Variants in OR2L13 observed in about 807,000 individuals in gnomAD.
OR2L13 encodes olfactory receptor family 2 subfamily L member 13.
A neutral mutation model predicts 15.3 loss-of-function variants in OR2L13; 14 were observed. That is an observed-to-expected ratio of 0.91 (90% CI 0.60 to 1.43). The LOEUF (loss-of-function observed/expected upper bound fraction) is 1.43, where lower values mean the gene tolerates loss of function less well. Ranked by LOEUF, OR2L13 falls within the 40% of genes most tolerant of loss-of-function variation. The probability of loss-of-function intolerance (pLI) is 0.00; values close to 1 mark genes in which losing one functional copy is unlikely to be tolerated. For synonymous variants in OR2L13, 152 were observed against 142.9 expected (o/e 1.06, Z -0.45); for missense variants, 367 against 387.9 (o/e 0.95, Z 0.45).
intron 1 of OR2L13, among the ~76,000 whole-genome samples, chr1:248,098,127 C>T (rs1664775093): frequency 6.6e-6 from 1 of 152,144 alleles, no homozygotes; most frequent in African/African-American, 2.4e-5. Context: ...TTGTTTAATC[C>T]AATGATCTCT....
At chr1:247,974,084 A>C in the OR2L13 span, among the ~76,000 whole-genome samples, 1 of 152,240 alleles carries the variant, frequency 6.6e-6, no homozygotes, top group South Asian at 2.1e-4. Context: ...GACATCATGG[A>C]ATACTCTGCA....
At chr1:247,938,416 A>C in the OR2L13 span, among the ~76,000 whole-genome samples, 1 of 152,174 alleles carries the variant, frequency 6.6e-6, no homozygotes, top group Non-Finnish European at 1.5e-5. Flanking sequence ...AGACAGTAAA[A>C]ATCCGAATAG....
At chr1:248,063,454 C>CT in the OR2L13 span, 2 of 152,148 alleles carry the variant, frequency 1.3e-5, no homozygotes, top group African/African-American at 4.8e-5. Flanking sequence ...CTTTGTTGTG[C>CT]TTTTTTGCAA....
At chr1:247,993,095 T>G in the OR2L13 span, among the ~76,000 whole-genome samples, 1 of 152,192 alleles carries the variant, frequency 6.6e-6, no homozygotes, top group Admixed American at 6.5e-5. Context: ...TCTCTCATTG[T>G]GGCTCTGATT....
the OR2L13 span, chr1:247,975,339 C>A: frequency 1.9e-6 from 1 of 534,702 alleles, no homozygotes; most frequent in South Asian, 1.8e-5. Context: ...CCCTCTTTCT[C>A]ATGTTTACCT....
chr1:248,037,979 AG>A, the OR2L13 span, among the ~76,000 whole-genome samples: 1 of 152,240 alleles, frequency 6.6e-6, no homozygotes, highest in African/African-American at 2.4e-5. Flanking sequence ...ATGGTTTGAA[AG>A]AAAGAAAAAT....
the OR2L13 span, among the ~76,000 whole-genome samples, chr1:248,028,193 G>A: frequency 6.8e-6 from 1 of 147,170 alleles, no homozygotes; most frequent in African/African-American, 2.5e-5. Context: ...TCTCCAGAAG[G>A]CTGATTTGAG....
the OR2L13 span, among the ~76,000 whole-genome samples, chr1:248,080,648 G>A: frequency 6.6e-6 from 1 of 152,058 alleles, no homozygotes; most frequent in African/African-American, 2.4e-5. Context: ...GGTGTATATG[G>A]GGCACATTTT....
At chr1:248,038,193 A>C in the OR2L13 span, 1 of 1,051,704 alleles carries the variant, frequency 9.5e-7, no homozygotes, top group Non-Finnish European at 1.4e-6. Context: ...TAATGCAGCC[A>C]CTGTGGATAA....
the OR2L13 span, among the ~76,000 whole-genome samples, chr1:248,050,814 T>G: frequency 1.3e-5 from 2 of 152,216 alleles, no homozygotes; most frequent in African/African-American, 2.4e-5. Flanking sequence ...CAATCTCATC[T>G]TGATTCCAAA....
chr1:247,951,545 C>A, the OR2L13 span, among the ~76,000 whole-genome samples: 2 of 152,136 alleles, frequency 1.3e-5, no homozygotes, highest in Non-Finnish European at 2.9e-5. Context: ...TGCTCTTTAA[C>A]ATCATTTCTA....
the OR2L13 span, among the ~76,000 whole-genome samples, chr1:247,957,521 C>G: frequency 1.2e-4 from 18 of 152,278 alleles, no homozygotes; most frequent in African/African-American, 4.1e-4. Flanking sequence ...AAGAATGGTA[C>G]GAGCTCCTCC....
At chr1:247,975,116 T>C in the OR2L13 span, 54 of 376,850 alleles carry the variant, frequency 1.4e-4, no homozygotes, top group African/African-American at 2.3e-4. Context: ...TGTAGCTGTT[T>C]GCTTTCCTCT....
chr1:247,984,315 A>G, the OR2L13 span, among the ~76,000 whole-genome samples: 1 of 152,032 alleles, frequency 6.6e-6, no homozygotes, highest in East Asian at 1.9e-4. Context: ...TGTGCCATTT[A>G]GGATTCTGTC....
the OR2L13 span, among the ~76,000 whole-genome samples, chr1:248,082,349 G>A: frequency 9.3e-4 from 1 of 1,080 alleles, no homozygotes; most frequent in East Asian, 0.033. Context: ...TGGTGGGGTG[G>A]GGGGTGGGGG....
chr1:248,046,366 T>G, the OR2L13 span, among the ~76,000 whole-genome samples: 3 of 152,186 alleles, frequency 2.0e-5, no homozygotes, highest in Admixed American at 2.0e-4. Context: ...TAAATCTTAC[T>G]GCCAATATAA....
At chr1:248,095,035 G>T (rs1664684323), upstream of OR2L13, 1 of 152,174 alleles carries the variant, frequency 6.6e-6, no homozygotes, top group Non-Finnish European at 1.5e-5. Flanking sequence ...TTCAGAATTT[G>T]AGTTCATCCC....
chr1:248,080,182 T>C, the OR2L13 span, among the ~76,000 whole-genome samples: 3 of 152,214 alleles, frequency 2.0e-5, no homozygotes, highest in Non-Finnish European at 4.4e-5. Flanking sequence ...CAATTAAGAT[T>C]TGCATTAACT....
the OR2L13 span, chr1:247,965,644 A>AAG: frequency 6.4e-7 from 1 of 1,550,540 alleles, no homozygotes; most frequent in East Asian, 2.3e-5. Context: ...CTCACAGAGT[A>AAG]AGACCATTAG....
Sources: allele counts gnomAD v4.1 joint callset (sites outside exome capture counted in the v4.1 genomes callset), GRCh38; gene constraint gnomAD v4.1.1; transcripts MANE v1.5; gene names NCBI Gene and HGNC (gene_info 2026-07-23, HGNC 2026-07-21).